Variants in TENM2 observed in about 807,000 individuals in gnomAD.
TENM2 encodes the protein teneurin-2.
In TENM2, 52 loss-of-function variants were observed where a neutral mutation model predicts 245.2. That is an observed-to-expected ratio of 0.21 (90% confidence interval 0.17 to 0.27). TENM2 has a LOEUF of 0.27. Among genes scored for constraint, TENM2 ranks in the 10% least tolerant of loss-of-function variants. TENM2 has a pLI of 1.00. For synonymous variants in TENM2, 1,363 were observed against 1,438.9 expected, an observed-to-expected ratio of 0.95 and a Z score of 1.19; for missense variants, 3,046 against 3,666.8, an observed-to-expected ratio of 0.83 and a Z score of 4.37.
intron 5 of TENM2, among the ~76,000 whole-genome samples, chr5:168,024,169 T>C (rs1331426100): frequency 6.6e-6 from 1 of 152,172 alleles, no homozygotes; most frequent in Non-Finnish European, 1.5e-5. Context: ...GGCACTTTTC[T>C]TTGTTGGAAT....
intron 4 of TENM2, among the ~76,000 whole-genome samples, chr5:167,960,905 C>A (rs1780962321): frequency 6.6e-6 from 1 of 152,208 alleles, no homozygotes; most frequent in African/African-American, 2.4e-5. Flanking sequence ...CCGGAATGCA[C>A]CATTCCTCAC....
chr5:167,331,781 G>A (rs1757474152), intron 1 of TENM2, among the ~76,000 whole-genome samples: 3 of 152,252 alleles, frequency 2.0e-5, no homozygotes, highest in Non-Finnish European at 2.9e-5. Flanking sequence ...AAGATAATAC[G>A]GAAGCAGAGA....
intron 9 of TENM2, among the ~76,000 whole-genome samples, chr5:168,103,805 C>T (rs1197244441): frequency 6.6e-6 from 1 of 152,158 alleles, no homozygotes; most frequent in Non-Finnish European, 1.5e-5. Context: ...TTAGCAGTGG[C>T]TATGACAAGT....
chr5:167,642,922 C>T (rs756189371), intron 2 of TENM2, among the ~76,000 whole-genome samples: 2 of 152,142 alleles, frequency 1.3e-5, no homozygotes, highest in Non-Finnish European at 2.9e-5. Flanking sequence ...TTGGAAATTG[C>T]CCCTACATGT....
At chr5:167,836,415 T>C (rs1583144670) in intron 2 of TENM2, among the ~76,000 whole-genome samples, 1 of 152,370 alleles carries the variant, frequency 6.6e-6, no homozygotes, top group East Asian at 1.9e-4. Context: ...TAGGAGTTTG[T>C]GGATGGTCCA....
chr5:168,199,309 T>C (rs1761735456), intron 16 of TENM2, among the ~76,000 whole-genome samples, 195 bp downstream of exon 18: 1 of 152,242 alleles, frequency 6.6e-6, no homozygotes, highest in Admixed American at 6.5e-5. Context: ...CAGATAGTCG[T>C]TCAAGACTTT....
chr5:167,004,409 A>G, the TENM2 span, among the ~76,000 whole-genome samples: 1 of 152,218 alleles, frequency 6.6e-6, no homozygotes, highest in Admixed American at 6.5e-5. Context: ...TCAATAAAGT[A>G]TCATTTTACA....
intron 2 of TENM2, among the ~76,000 whole-genome samples, chr5:167,432,954 A>T (rs1250598380): frequency 2.6e-5 from 4 of 152,114 alleles, no homozygotes; most frequent in Non-Finnish European, 5.9e-5. Flanking sequence ...AATACACGTT[A>T]TTGCTTTAAT....
rs1755040035 is a variant in TENM2, at chr5:168,136,318, C to T, written c.2422+9352C>T. 2.0e-5 allele frequency among the ~76,000 whole-genome samples: 3 copies of T among 152,302 alleles called. No individual in the cohort carries two copies. The South Asian group carries it at 6.2e-4, about 32-fold the overall frequency. On this transcript the variant is annotated intron_variant, in intron 12 of 28. Coordinates refer to ENST00000518659, the Ensembl canonical transcript of TENM2. ...TGCAAAGCTCACTCCACACTTTCAT[C>T]CCAAGGGCCTCTAGAAGTTTCCAAG...
chr5:167,178,427 T>C, the TENM2 span, among the ~76,000 whole-genome samples: 1 of 152,192 alleles, frequency 6.6e-6, no homozygotes, highest in Non-Finnish European at 1.5e-5. Flanking sequence ...GAGTTTCTCA[T>C]CCTGGTCGGG....
chr5:167,975,700 T>G (rs1296031944), intron 4 of TENM2, among the ~76,000 whole-genome samples: 1 of 152,184 alleles, frequency 6.6e-6, no homozygotes, highest in African/African-American at 2.4e-5. Context: ...CTATGGCTAT[T>G]ACACAAACAA....
chr5:167,631,152 G>A (rs768293189), intron 2 of TENM2, among the ~76,000 whole-genome samples: 6 of 152,044 alleles, frequency 3.9e-5, no homozygotes, highest in African/African-American at 7.3e-5. Flanking sequence ...CCCTCTTGTC[G>A]CTTGCATTAC....
the TENM2 span, among the ~76,000 whole-genome samples, chr5:167,112,253 G>A: frequency 5.4e-4 from 82 of 152,124 alleles, no homozygotes; most frequent in Non-Finnish European, 1.0e-3. Flanking sequence ...GAATACCACC[G>A]TATTTCTCCT....
chr5:167,128,545 A>C, the TENM2 span, among the ~76,000 whole-genome samples: 1 of 150,866 alleles, frequency 6.6e-6, no homozygotes, highest in African/African-American at 2.4e-5. Context: ...TCTAGTGTAG[A>C]CTTTCATTAA....
chr5:168,042,785 T>C (rs934635543), intron 5 of TENM2, among the ~76,000 whole-genome samples: 3 of 152,196 alleles, frequency 2.0e-5, no homozygotes, highest in African/African-American at 7.2e-5. Flanking sequence ...CATCCTGTCT[T>C]GGTTCCCTTC....
At chr5:167,689,179 T>G (rs1392497628) in intron 2 of TENM2, among the ~76,000 whole-genome samples, 1 of 152,122 alleles carries the variant, frequency 6.6e-6, no homozygotes, top group Non-Finnish European at 1.5e-5. Context: ...GAGAACAGCC[T>G]TCAGATGGCA....
chr5:167,006,706 G>T, the TENM2 span, among the ~76,000 whole-genome samples: 2 of 147,610 alleles, frequency 1.4e-5, no homozygotes, highest in Non-Finnish European at 3.0e-5. Context: ...CACTCTTGTT[G>T]CCCAGGTTGG....
the TENM2 span, among the ~76,000 whole-genome samples, chr5:167,193,634 G>A: frequency 6.6e-6 from 1 of 151,372 alleles, no homozygotes; most frequent in Admixed American, 6.6e-5. Context: ...ATTTAAATTT[G>A]AAGTTCATAC....
At chr5:167,736,850 C>G (rs1007208234) in intron 2 of TENM2, among the ~76,000 whole-genome samples, 1 of 152,122 alleles carries the variant, frequency 6.6e-6, no homozygotes, top group Non-Finnish European at 1.5e-5. Flanking sequence ...AAAGGAACAT[C>G]CTAACAAGGG....
Sources: gnomAD v4.1 joint callset for allele counts (sites outside exome capture counted in the v4.1 genomes callset) on GRCh38, gnomAD v4.1.1 for gene constraint, MANE v1.5 for transcripts, NCBI Gene and HGNC (gene_info 2026-07-23, HGNC 2026-07-21) for gene names.